The following SGTB variants were observed in gnomAD, a reference collection of about 807,000 sequenced individuals.
SGTB encodes the protein small glutamine-rich tetratricopeptide repeat-containing protein beta.
In SGTB, 19 loss-of-function variants were observed where a neutral mutation model predicts 43.9. The observed-to-expected ratio is 0.43, with a 90% CI of 0.30 to 0.63. The LOEUF is 0.63. Among genes scored for constraint, SGTB ranks in the 30% least tolerant of loss-of-function variants. The probability of loss-of-function intolerance (pLI) is 0.12; values close to 1 mark genes in which losing one functional copy is unlikely to be tolerated. For missense variants in SGTB, 304 were observed against 358.9 expected (o/e 0.85, Z 1.24); for synonymous variants, 116 against 117.3 (o/e 0.99, Z 0.07).
At chr5:65,706,370 T>C (rs1409624581) in intron 4 of SGTB, among the ~76,000 whole-genome samples, 3 of 152,216 alleles carry the variant, frequency 2.0e-5, no homozygotes, top group Admixed American at 1.3e-4. Context: ...TTTGTCTTGA[T>C]GGCATTTTAT....
At chr5:65,722,531 G>A, upstream of SGTB, 16 of 938,276 alleles carry the variant, frequency 1.7e-5, no homozygotes, top group Non-Finnish European at 2.5e-5. Context: ...CTCCCGGGAC[G>A]CACCCTCCCC....
At chr5:65,714,116 A>C (rs985173761) in intron 2 of SGTB, among the ~76,000 whole-genome samples, 2 of 152,228 alleles carry the variant, frequency 1.3e-5, no homozygotes, top group African/African-American at 4.8e-5. Flanking sequence ...ATTTTTTTAA[A>C]AAATGTGAGA....
intron 2 of SGTB, among the ~76,000 whole-genome samples, chr5:65,716,626 A>C (rs1232479549): frequency 6.6e-6 from 1 of 152,246 alleles, no homozygotes; most frequent in African/African-American, 2.4e-5. Context: ...GCAACAGAAA[A>C]GATGACGCTG....
intron 5 of SGTB, among the ~76,000 whole-genome samples, chr5:65,703,386 A>G (rs6890029): frequency 0.057 from 8,736 of 152,248 alleles, 814 homozygotes; most frequent in African/African-American, 0.2. Context: ...TTTTTGGTAA[A>G]ACCAGTGAAC....
At chr5:65,722,550 C>G (rs1017199849), upstream of SGTB, 1 of 789,196 alleles carries the variant, frequency 1.3e-6, no homozygotes, top group African/African-American at 1.8e-5. Context: ...CCGCGGCTTG[C>G]AAGGTGGACC....
intron 8 of SGTB, among the ~76,000 whole-genome samples, chr5:65,678,402 G>A (rs1030616203): frequency 3.9e-5 from 6 of 152,152 alleles, no homozygotes; most frequent in East Asian, 1.9e-4. Flanking sequence ...AATCAAAATC[G>A]TGAAAATGGC....
At position 65,685,157 on chromosome 5, in the gene SGTB, C is replaced by T. The variant is rs193021116; in HGVS notation, c.479+211G>A. On this transcript the variant is annotated intron_variant, in intron 6 of 10. Coordinates refer to ENST00000381007, the MANE Select transcript of SGTB (RefSeq NM_019072.3). ...GAGTGCTCATCTGAGATTTGTGGTA[C>T]GGTTATATAATTTTCTCCAACAATC... Among the ~76,000 whole-genome samples, 59 of 152,218 alleles carry T rather than the reference C, an allele frequency of 3.9e-4. 1 individual carries two copies. The highest frequency in any genetic ancestry group is 3.1e-3 in the East Asian group (16 of 5,184).
chr5:65,697,235 C>T (rs963771140), intron 5 of SGTB, among the ~76,000 whole-genome samples: 2 of 152,122 alleles, frequency 1.3e-5, no homozygotes, highest in African/African-American at 2.4e-5. Flanking sequence ...TGCTCTTTTA[C>T]TGCACTTTTC....
Position 65,686,517 on chromosome 5 carries a change from G to T in SGTB, c.375-1045C>A, listed in dbSNP as rs1411672698. 1.3e-3 allele frequency among the ~76,000 whole-genome samples: 172 copies of T among 137,350 alleles called. 1 individual carries two copies. Among genetic ancestry groups the T allele is most frequent in the South Asian group, 2.4e-3 (10 of 4,232 alleles). The allele number at this position is 137,350 out of a possible 152,430, so 90.1% of individuals were successfully genotyped here. ...CTTTATTCTCTCTTTACCCACATTT[G>T]TTTTTTTTTTTTTTCCTTTTTGTAG... On this transcript the variant is annotated intron_variant, in intron 5 of 10. Transcript: ENST00000381007.
Position 65,713,118 on chromosome 5 carries a change from A to T in SGTB, c.101-54T>A. The T allele has an allele frequency of 2.2e-6, 3 of 1,340,444 alleles. No homozygotes were observed. In the South Asian group the frequency reaches 3.8e-5, roughly 17 times the overall value. The allele number at this position is 1,340,444 out of a possible 1,614,324, so 83.0% of individuals were successfully genotyped here. A position where few individuals can be genotyped will look rare whatever the true frequency, so the allele number is the denominator to read the frequency against. ...AATTAGCAATTTTAAAAAAGAAACA[A>T]GTTTTTTTTTTCTGATAGAACTGCA... is the stretch of plus-strand genomic sequence containing the variant. On this transcript the variant is annotated intron_variant, in intron 2 of 10. Coordinates refer to ENST00000381007, the MANE Select transcript of SGTB (RefSeq NM_019072.3).
At chr5:65,698,525 A>T (rs1757752907) in intron 5 of SGTB, among the ~76,000 whole-genome samples, 1 of 152,246 alleles carries the variant, frequency 6.6e-6, no homozygotes, top group Non-Finnish European at 1.5e-5. Context: ...ACCATCAAAA[A>T]TAAATAAGTG....
At chr5:65,715,804 C>T (rs540951349) in intron 2 of SGTB, among the ~76,000 whole-genome samples, 63 of 152,344 alleles carry the variant, frequency 4.1e-4, no homozygotes, top group Middle Eastern at 6.8e-3. Flanking sequence ...GAGTCTCGCT[C>T]TATTGCCCAG....
In SGTB at chr5:65,708,484, T is replaced by C. The variant is rs1030736710; in HGVS notation, c.274+5A>G. 3.9e-5 allele frequency: 63 copies of C among 1,611,822 alleles called. No individual in the cohort carries two copies. The highest frequency in any genetic ancestry group is 4.7e-5 in the Non-Finnish European group (56 of 1,179,112). ...AAGTAAGTCATTTTTGTATGAAATA[T>C]TCACCTTCATCTTTTAATTGGTCAG... is the stretch of plus-strand genomic sequence containing the variant. On this transcript the variant is annotated splice_donor_5th_base_variant and intron_variant, in intron 4 of 10. Transcript: ENST00000381007.
At chr5:65,683,270 AAGAT>A (rs1459418586) in intron 6 of SGTB, among the ~76,000 whole-genome samples, 2 of 152,160 alleles carry the variant, frequency 1.3e-5, no homozygotes, top group Admixed American at 6.5e-5. Flanking sequence ...CTGAAACAAA[AAGAT>A]AGAGCATCAC....
chr5:65,685,158 G>T (rs1042428118), intron 6 of SGTB, among the ~76,000 whole-genome samples: 1 of 152,070 alleles, frequency 6.6e-6, no homozygotes, highest in South Asian at 2.1e-4. Context: ...TTTGTGGTAC[G>T]GTTATATAAT....
At chr5:65,671,845 C>G (rs1450689974) in intron 10 of SGTB, 70 bp downstream of exon 10, 1 of 1,375,804 alleles carries the variant, frequency 7.3e-7, no homozygotes, top group East Asian at 2.4e-5. Context: ...AAGCCCTGAC[C>G]CCTCACCATA....
In SGTB at chr5:65,698,162, G is replaced by A. The variant is rs377499494; in HGVS notation, c.374+6117C>T. Among the ~76,000 whole-genome samples, 3 of 152,236 alleles carry A rather than the reference G, an allele frequency of 2.0e-5. No homozygotes were observed. In the South Asian group the frequency reaches 6.2e-4, roughly 32 times the overall value. On this transcript the variant is annotated intron_variant, in intron 5 of 10. Transcript: ENST00000381007. ...GATGGTAATTTTCAATATCTTGATA[G>A]AATTTTAGGTTATACAGGTGTATGT...
At chr5:65,691,760 G>A (rs564672195) in intron 5 of SGTB, among the ~76,000 whole-genome samples, 56 of 151,390 alleles carry the variant, frequency 3.7e-4, no homozygotes, top group Admixed American at 7.2e-4. Flanking sequence ...CTAACACAGT[G>A]AAACTAAAAA....
upstream of SGTB, chr5:65,722,507 G>A: frequency 1.7e-6 from 2 of 1,181,036 alleles, no homozygotes; most frequent in Admixed American, 2.2e-5. Context: ...CTTCCCGACC[G>A]CGCCTCTCCG....
Sources: gnomAD v4.1 joint callset for allele counts (sites outside exome capture counted in the v4.1 genomes callset) on GRCh38, gnomAD v4.1.1 for gene constraint, MANE v1.5 for transcripts, NCBI Gene and HGNC (gene_info 2026-07-23, HGNC 2026-07-21) for gene names.